DMRT1: variants seen among roughly 807,000 people sequenced by gnomAD.
The protein encoded by DMRT1 is doublesex and mab-3 related transcription factor 1.
In DMRT1, 7 loss-of-function variants were observed where a neutral mutation model predicts 32.3. The observed-to-expected ratio is 0.22, with a 90% CI of 0.12 to 0.41. DMRT1 has a LOEUF of 0.41. Ranked by LOEUF, DMRT1 falls within the 10% of genes least tolerant of loss-of-function variation. The pLI is 1.00. For missense variants in DMRT1, 625 were observed against 500.5 expected (o/e 1.25, Z -2.37); for synonymous variants, 278 against 206.1 (o/e 1.35, Z -2.99).
rs1346458585 is a variant in DMRT1, at chr9:871,519, TTTTG to T, written c.539-22392_539-22389del. 1.3e-3 allele frequency among the ~76,000 whole-genome samples: 191 copies of T among 145,244 alleles called. 2 individuals are homozygous for T. Among genetic ancestry groups the T allele is most frequent in the African/African-American group, 4.8e-3 (178 of 37,040 alleles). On this transcript the variant is annotated intron_variant, in intron 2 of 4. Coordinates refer to ENST00000382276, the MANE Select transcript of DMRT1 (RefSeq NM_021951.3). Reference sequence around the variant, plus strand: ...GGCTAATTTTTTTTTTTTTTTTTTTTTTTGGTAGAGACGGGGTTTCACCGTGTTA... The same window carrying T: ...GGCTAATTTTTTTTTTTTTTTTTTTTGTAGAGACGGGGTTTCACCGTGTTA...
intron 2 of DMRT1, among the ~76,000 whole-genome samples, chr9:890,740 A>T (rs1288398966): frequency 4.6e-5 from 7 of 152,048 alleles, no homozygotes; most frequent in Admixed American, 4.6e-4. Flanking sequence ...TTTGAGACAG[A>T]GTCTCATTCT....
chr9:842,388 C>G (rs1166414831), intron 1 of DMRT1, 196 bp downstream of exon 1: 3 of 673,634 alleles, frequency 4.5e-6, no homozygotes, highest in East Asian at 5.5e-5. Flanking sequence ...GCGCACACCA[C>G]CATGCCCGGC....
intron 3 of DMRT1, among the ~76,000 whole-genome samples, chr9:898,910 T>C (rs1317649164): frequency 6.6e-6 from 1 of 152,216 alleles, no homozygotes; most frequent in South Asian, 2.1e-4. Flanking sequence ...CCCATGAACA[T>C]GGAATATCTT....
rs901743022 is a variant in DMRT1 at position 921,561 on chromosome 9, C to T, written c.967+4654C>T. ...AAGTCTATATGTAATTTTTGAGGAACATGTTACTGTTTTTCACAGCAGCTG... is the reference window on the plus strand; with the variant it reads ...AAGTCTATATGTAATTTTTGAGGAATATGTTACTGTTTTTCACAGCAGCTG... On this transcript the variant is annotated intron_variant, in intron 4 of 4. Coordinates refer to ENST00000382276, the MANE Select transcript of DMRT1 (RefSeq NM_021951.3). 5.3e-5 allele frequency among the ~76,000 whole-genome samples: 8 copies of T among 152,078 alleles called. 1 individual carries two copies.
chr9:868,231 T>A (rs1234818006), intron 2 of DMRT1, among the ~76,000 whole-genome samples: 2 of 152,166 alleles, frequency 1.3e-5, no homozygotes, highest in African/African-American at 4.8e-5. Context: ...TGCCTGTTTC[T>A]GCCTCCCAGA....
At chr9:873,009 G>C (rs1038791421) in intron 2 of DMRT1, among the ~76,000 whole-genome samples, 2 of 152,186 alleles carry the variant, frequency 1.3e-5, no homozygotes, top group Non-Finnish European at 2.9e-5. Flanking sequence ...GTGTCTTTCG[G>C]AAACACTCAC....
At chr9:956,887 A>G (rs1819619106) in intron 4 of DMRT1, among the ~76,000 whole-genome samples, 1 of 152,222 alleles carries the variant, frequency 6.6e-6, no homozygotes. Context: ...AAGAAAGTCT[A>G]CAATTAAGTT....
intron 2 of DMRT1, among the ~76,000 whole-genome samples, chr9:867,134 A>C (rs1308614910): frequency 6.6e-6 from 1 of 152,176 alleles, no homozygotes; most frequent in African/African-American, 2.4e-5. Flanking sequence ...AGCAGTGGAG[A>C]GGAGTTTGAC....
chr9:943,446 A>G (rs922277831), intron 4 of DMRT1, among the ~76,000 whole-genome samples: 1 of 152,236 alleles, frequency 6.6e-6, no homozygotes, highest in Non-Finnish European at 1.5e-5. Context: ...CTGGAGAATG[A>G]GAGTTGGCAC....
chr9:899,230 C>G (rs954405682), intron 3 of DMRT1, among the ~76,000 whole-genome samples: 13 of 151,946 alleles, frequency 8.6e-5, no homozygotes, highest in African/African-American at 3.1e-4. Flanking sequence ...CCAACAACTC[C>G]TTTTTGATTC....
chr9:874,006 G>T (rs567372478), intron 2 of DMRT1, among the ~76,000 whole-genome samples: 2 of 152,348 alleles, frequency 1.3e-5, no homozygotes, highest in South Asian at 4.1e-4. Flanking sequence ...TTCCTACAGA[G>T]TATGGTGACC....
intron 2 of DMRT1, among the ~76,000 whole-genome samples, chr9:864,722 C>CTG (rs1815895755): frequency 6.6e-6 from 1 of 150,690 alleles, no homozygotes; most frequent in Non-Finnish European, 1.5e-5. Context: ...GGATGGTCTC[C>CTG]ATCTCCTAAC....
rs761480566 is a variant in DMRT1, at chr9:916,778, A to G, written c.838A>G (p.Asn280Asp). ...TCTTAAGCAGATGAAGAACATGGAG[A>G]ACCGCCATGCAATGAGCTCCCAGTA... ...GNQWQMKNME[N>D]RHAMSSQYRM... The change falls in exon 4 of 5, where the codon AAC becomes GAC. Residue 280 changes from asparagine (N) to aspartate (D), a missense_variant. Transcript: ENST00000382276. 6.2e-7 allele frequency: 1 copy of G among 1,613,772 alleles called. No individual in the cohort carries two copies. The highest frequency in any genetic ancestry group is 1.6e-4 in the Middle Eastern group (1 of 6,062).
chr9:887,931 A>G (rs1482419662), intron 2 of DMRT1, among the ~76,000 whole-genome samples: 1 of 152,240 alleles, frequency 6.6e-6, no homozygotes, highest in African/African-American at 2.4e-5. Flanking sequence ...TAGTTGTTAT[A>G]TGATAACTAG....
chr9:959,058 A>C (rs1486405343), intron 4 of DMRT1, among the ~76,000 whole-genome samples: 1 of 152,254 alleles, frequency 6.6e-6, no homozygotes, highest in Non-Finnish European at 1.5e-5. Flanking sequence ...CCTAGTTTGT[A>C]GAGTGGCAAA....
At chr9:846,260 T>C (rs768393131) in intron 1 of DMRT1, among the ~76,000 whole-genome samples, 1 of 152,140 alleles carries the variant, frequency 6.6e-6, no homozygotes, top group Non-Finnish European at 1.5e-5. Flanking sequence ...CTCGAACTCC[T>C]GACCTCCGGT....
At chr9:949,364 C>CTT (rs35845048) in intron 4 of DMRT1, among the ~76,000 whole-genome samples, 40,805 of 151,046 alleles carry the variant, frequency 0.27, 7,029 homozygotes, top group African/African-American at 0.49. Context: ...GACCCTCTCT[C>CTT]GGGGAAAAAA....
Position 893,839 on chromosome 9 carries a change from G to C in DMRT1, c.539-73G>C. On this transcript the variant is annotated intron_variant, in intron 2 of 4. Coordinates refer to ENST00000382276, the MANE Select transcript of DMRT1 (RefSeq NM_021951.3). Reference sequence around the variant, plus strand: ...ACCTTGCTCCGCAGGTCTTGGGTAGGAAGGTTTAGAAGTAAAGTTTCGTGG... The same window carrying C: ...ACCTTGCTCCGCAGGTCTTGGGTAGCAAGGTTTAGAAGTAAAGTTTCGTGG... 3 of 1,434,874 alleles carry C rather than the reference G, an allele frequency of 2.1e-6. 1 individual carries two copies. The highest frequency in any genetic ancestry group is 2.9e-6 in the Non-Finnish European group (3 of 1,030,022). The allele number at this position is 1,434,874 out of a possible 1,614,324, so 88.9% of individuals were successfully genotyped here.
chr9:946,132 T>G (rs1008716393), intron 4 of DMRT1, among the ~76,000 whole-genome samples: 6 of 151,816 alleles, frequency 4.0e-5, no homozygotes, highest in African/African-American at 1.5e-4. Context: ...TTTTTCTTTC[T>G]TTCTTTTTTT....
Sources: allele counts gnomAD v4.1 joint callset (sites outside exome capture counted in the v4.1 genomes callset), GRCh38; gene constraint gnomAD v4.1.1; transcripts MANE v1.5; gene names NCBI Gene and HGNC (gene_info 2026-07-23, HGNC 2026-07-21).